The following IQCH variants were observed in gnomAD, a reference collection of about 807,000 sequenced individuals.
IQCH encodes the protein IQ domain-containing protein H.
Under a neutral mutation model 117.0 loss-of-function variants are expected in IQCH, and 98 were observed. The ratio of observed to expected loss-of-function variants is 0.84; its 90% CI spans 0.71 to 0.99. The LOEUF (loss-of-function observed/expected upper bound fraction) is 0.99. IQCH is among the 50% of genes least tolerant of loss of function. The pLI is 0.00. For synonymous variants in IQCH, 412 were observed against 448.2 expected (o/e 0.92, Z 1.02); for missense variants, 1,102 against 1,243.8 (o/e 0.89, Z 1.72).
intron 16 of IQCH, among the ~76,000 whole-genome samples, chr15:67,464,407 G>A (rs765962829): frequency 6.6e-6 from 1 of 152,204 alleles, no homozygotes; most frequent in Non-Finnish European, 1.5e-5. Flanking sequence ...CAGTTACCTA[G>A]CAGTTGACAT....
At position 67,494,281 on chromosome 15, in the gene IQCH, G is replaced by A. The variant is rs1467713763; in HGVS notation, c.2885G>A (p.Gly962Glu). 3 of 1,611,190 alleles carry A rather than the reference G, an allele frequency of 1.9e-6. No homozygotes were observed. The highest frequency in any genetic ancestry group is 2.5e-6 in the Non-Finnish European group (3 of 1,179,210). ...AGAACAATCGGCGAGGATCTCCAGG[G>A]GGTCCTCATGACCTTTGCTCGCCAT... ...GMLTIGEDLQ[G>E]VLMTFARHLF... The change falls in exon 20 of 21, where the codon GGG (glycine) becomes GAG (glutamate). Residue 962 changes from glycine to glutamate, a missense_variant. Gly to Glu is a moderately conservative substitution (Grantham distance 98). Coordinates refer to ENST00000335894, the MANE Select transcript of IQCH (RefSeq NM_001031715.3). This position sits in a 1 kb window ranked among gnomAD's most constrained non-coding sequence, Gnocchi z 5.5.
intron 3 of IQCH, among the ~76,000 whole-genome samples, chr15:67,265,336 G>A (rs1191495473): frequency 6.6e-6 from 1 of 152,198 alleles, no homozygotes; most frequent in Non-Finnish European, 1.5e-5. Context: ...GACATTGACT[G>A]GGGCACGGAG....
At chr15:67,287,451 G>T (rs1966604948) in intron 4 of IQCH, among the ~76,000 whole-genome samples, 1 of 152,118 alleles carries the variant, frequency 6.6e-6, no homozygotes, top group Admixed American at 6.5e-5. Flanking sequence ...CTCGCTACTT[G>T]TTATTGGTTT....
chr15:67,395,442 T>A lies in IQCH; in HGVS notation c.1784T>A (p.Ile595Asn), dbSNP rs1567152802. 1 of 1,614,028 alleles carries A rather than the reference T, an allele frequency of 6.2e-7. No homozygotes were observed. The highest frequency in any genetic ancestry group is 8.5e-7 in the Non-Finnish European group (1 of 1,179,966). ...LAVADMLDIP[I>N]LGSEPELAHL... is the part of the protein sequence containing the mutation. Reference sequence around the variant, plus strand: ...GTGGCCGATATGTTAGACATACCCATCCTGGGCTCTGAGCCTGAACTAGCT... The same window carrying A: ...GTGGCCGATATGTTAGACATACCCAACCTGGGCTCTGAGCCTGAACTAGCT... Residue 595 changes from isoleucine to asparagine, a missense_variant, in exon 13 of 21, where the codon ATC (isoleucine) becomes AAC (asparagine). Physicochemically the swap from Ile to Asn is moderately radical, Grantham distance 149. This residue lies in a region of IQCH where 650 missense variants were observed against 794.3 expected (regional missense o/e 0.82). Transcript: ENST00000335894. The surrounding 1 kb of genome is among the most constrained non-coding windows in gnomAD (Gnocchi z 4.0).
At chr15:67,368,028 G>A (rs907698836) in intron 8 of IQCH, among the ~76,000 whole-genome samples, 6 of 152,242 alleles carry the variant, frequency 3.9e-5, no homozygotes, top group Non-Finnish European at 8.8e-5. Context: ...ACTGTTAAAG[G>A]TTCTTGACAC....
chr15:67,336,323 T>C (rs1410506231), intron 4 of IQCH, among the ~76,000 whole-genome samples: 1 of 152,212 alleles, frequency 6.6e-6, no homozygotes, highest in Non-Finnish European at 1.5e-5. Flanking sequence ...GTAAAAATAG[T>C]ATAGTTGGAC....
intron 3 of IQCH, among the ~76,000 whole-genome samples, chr15:67,274,242 T>G (rs1418647282): frequency 1.3e-5 from 2 of 152,194 alleles, no homozygotes; most frequent in Non-Finnish European, 2.9e-5. Flanking sequence ...TATTGTTTCT[T>G]TAAATAAGCT....
chr15:67,307,755 T>C (rs1189214305), intron 4 of IQCH, among the ~76,000 whole-genome samples: 1 of 152,128 alleles, frequency 6.6e-6, no homozygotes, highest in Non-Finnish European at 1.5e-5. Context: ...AGGGAATAAT[T>C]GCTGAGATGG....
intron 4 of IQCH, among the ~76,000 whole-genome samples, chr15:67,295,462 C>T (rs1032470624): frequency 1.3e-5 from 2 of 152,138 alleles, no homozygotes; most frequent in Non-Finnish European, 2.9e-5. Context: ...TTTCTTCTCC[C>T]TCCTCTCTTT....
intron 16 of IQCH, among the ~76,000 whole-genome samples, chr15:67,449,469 T>C (rs561276270): frequency 5.9e-5 from 9 of 152,348 alleles, no homozygotes; most frequent in Admixed American, 3.3e-4. Flanking sequence ...CAGCACCATT[T>C]ATTAAATAGG....
Position 67,484,784 on chromosome 15 carries a change from T to C in IQCH, c.2800-5219T>C, listed in dbSNP as rs1208422975. ...AATAAAATAAAATCAACCCTTGATATATCAAGATGAGCTGTCAGTACTCTA... is the reference window on the plus strand; with the variant it reads ...AATAAAATAAAATCAACCCTTGATACATCAAGATGAGCTGTCAGTACTCTA... On this transcript the variant is annotated intron_variant, in intron 18 of 20. Coordinates refer to ENST00000335894, the MANE Select transcript of IQCH (RefSeq NM_001031715.3). Among the ~76,000 whole-genome samples the C allele has an allele frequency of 2.6e-5, 4 of 152,004 alleles. No homozygotes were observed. In the South Asian group the frequency reaches 6.2e-4, roughly 24 times the overall value.
intron 6 of IQCH, among the ~76,000 whole-genome samples, chr15:67,355,538 C>T (rs764158790): frequency 1.3e-5 from 2 of 151,200 alleles, no homozygotes. Context: ...TGCAGTGAGC[C>T]GAGATTGTGC....
At position 67,499,117 on chromosome 15, in the gene IQCH, T is replaced by G. The variant is rs185287919; in HGVS notation, c.2971-1516T>G. Among the ~76,000 whole-genome samples the G allele has an allele frequency of 5.8e-4, 88 of 151,486 alleles. 1 individual carries two copies. In the East Asian group the frequency reaches 0.017, roughly 28 times the overall value. ...TTTGAGACTAGCCCAGGAAACAGAG[T>G]GAGACCTCATCTCCACGAAAACTTA... On this transcript the variant is annotated intron_variant, in intron 20 of 20. Transcript: ENST00000335894.
intron 9 of IQCH, 104 bp downstream of exon 9, chr15:67,372,766 A>T (rs1567136278): frequency 1.0e-6 from 1 of 965,410 alleles, no homozygotes; most frequent in Non-Finnish European, 1.5e-6. Flanking sequence ...CTTTCCAACT[A>T]CTCTCCTTGC....
In IQCH at chr15:67,463,212, A is replaced by G. The variant is rs1011888919; in HGVS notation, c.2506-1915A>G. 1.3e-5 allele frequency among the ~76,000 whole-genome samples: 2 copies of G among 152,206 alleles called. No homozygotes were observed. Among genetic ancestry groups the G allele is most frequent in the Non-Finnish European group, 2.9e-5 (2 of 68,026 alleles). On this transcript the variant is annotated intron_variant, in intron 16 of 20. Coordinates refer to ENST00000335894, the MANE Select transcript of IQCH (RefSeq NM_001031715.3). The surrounding 1 kb of genome is among the most constrained non-coding windows in gnomAD (Gnocchi z 4.0). ...GTAAATACAGGCCTTCTAGGAGGAAAAACTGTTTAATCAAGTCTTCATGAA... is the reference window on the plus strand; with the variant it reads ...GTAAATACAGGCCTTCTAGGAGGAAGAACTGTTTAATCAAGTCTTCATGAA...
In IQCH at chr15:67,473,063, C is replaced by T. The variant is rs1489439303; in HGVS notation, c.2677-2633C>T. ...CCTGCCTGCCTACCTCTCTTGCTGG[C>T]TGGGGTCTGGTCTTGGTTTTTCTTG... On this transcript the variant is annotated intron_variant, in intron 17 of 20. Transcript: ENST00000335894. The surrounding 1 kb of genome is among the most constrained non-coding windows in gnomAD (Gnocchi z 4.9). Among the ~76,000 whole-genome samples the T allele has an allele frequency of 1.3e-5, 2 of 152,174 alleles. No homozygotes were observed. The highest frequency in any genetic ancestry group is 2.9e-5 in the Non-Finnish European group (2 of 68,042).
At chr15:67,355,010 C>T (rs910154177) in intron 6 of IQCH, among the ~76,000 whole-genome samples, 4 of 152,032 alleles carry the variant, frequency 2.6e-5, no homozygotes, top group African/African-American at 9.7e-5. Flanking sequence ...ATGAGAAAGG[C>T]TGGGAAAGTG....
rs550710632 is a variant in IQCH, at chr15:67,431,739, C to T, written c.2505+10162C>T. ...TTAGTTGAACATTTCCTACCAATATCAATAGTTTTTTAGATTGTAGCCTCT... is the reference window on the plus strand; with the variant it reads ...TTAGTTGAACATTTCCTACCAATATTAATAGTTTTTTAGATTGTAGCCTCT... On this transcript the variant is annotated intron_variant, in intron 16 of 20. Coordinates refer to ENST00000335894, the MANE Select transcript of IQCH (RefSeq NM_001031715.3). This position sits in a 1 kb window ranked among gnomAD's most constrained non-coding sequence, Gnocchi z 4.8. Among the ~76,000 whole-genome samples, 22 of 152,202 alleles carry T rather than the reference C, an allele frequency of 1.4e-4. No individual in the cohort carries two copies. The East Asian group carries it at 3.9e-3, about 27-fold the overall frequency.
chr15:67,490,394 C>T lies in IQCH; in HGVS notation c.2861+330C>T, dbSNP rs139661601. ...CTAATTTTTGTATTTTTAGTAGAGA[C>T]GGGGTTTCATCATGTTGGCCAGGAT... is the stretch of plus-strand genomic sequence containing the variant. On this transcript the variant is annotated intron_variant, in intron 19 of 20. Coordinates refer to ENST00000335894, the MANE Select transcript of IQCH (RefSeq NM_001031715.3). This position sits in a 1 kb window ranked among gnomAD's most constrained non-coding sequence, Gnocchi z 4.9. Among the ~76,000 whole-genome samples the T allele has an allele frequency of 3.0e-3, 463 of 151,862 alleles. 2 individuals are homozygous for T. The highest frequency in any genetic ancestry group is 0.011 in the African/African-American group (441 of 41,418).
Sources: allele counts gnomAD v4.1 joint callset (sites outside exome capture counted in the v4.1 genomes callset), GRCh38; gene constraint gnomAD v4.1.1; regional missense constraint gnomAD v4.1.1; non-coding constraint Gnocchi (gnomAD v3.1); transcripts MANE v1.5; gene names NCBI Gene and HGNC (gene_info 2026-07-23, HGNC 2026-07-21).